Variants in SLC9C2 observed in about 807,000 individuals in gnomAD.
The protein encoded by SLC9C2 is sodium/hydrogen exchanger 11.
A neutral mutation model predicts 140.2 loss-of-function variants in SLC9C2; 75 were observed. The observed-to-expected ratio is 0.53, with a 90% CI of 0.44 to 0.65. SLC9C2 has a LOEUF of 0.65. Among genes scored for constraint, SLC9C2 ranks in the 30% least tolerant of loss-of-function variants. The pLI, the probability that SLC9C2 is intolerant of heterozygous loss-of-function variation, is 0.00. For missense variants in SLC9C2, 1,074 were observed against 1,331.8 expected, an observed-to-expected ratio of 0.81 and a Z score of 3.01; for synonymous variants, 375 against 420.9, an observed-to-expected ratio of 0.89 and a Z score of 1.34.
intron 8 of SLC9C2, 118 bp from the exon 9 acceptor site, chr1:173,573,443 T>A: frequency 1.4e-6 from 1 of 697,328 alleles, no homozygotes; most frequent in Non-Finnish European, 2.2e-6. Flanking sequence ...GGCCCTTGCC[T>A]TCATCTCTGT....
Position 173,521,419 on chromosome 1 carries a change from ACG to A in SLC9C2, c.2641-22_2641-21del. ...TCTTTCCTGAGTGGGAAAAAAAAAA[ACG>A]AAAAGAAAAAGAGAGTCAACACAAA... On this transcript the variant is annotated intron_variant, in intron 21 of 27. Coordinates refer to ENST00000367714, the MANE Select transcript of SLC9C2 (RefSeq NM_178527.4). 5 of 1,349,832 alleles carry A rather than the reference ACG, an allele frequency of 3.7e-6. No homozygotes were observed. The highest frequency in any genetic ancestry group is 4.9e-6 in the Non-Finnish European group (5 of 1,016,356). The allele number at this position is 1,349,832 out of a possible 1,614,324, so 83.6% of individuals were successfully genotyped here. A position where few individuals can be genotyped will look rare whatever the true frequency, so the allele number is the denominator to read the frequency against.
chr1:173,504,862 C>T (rs1659519917), intron 26 of SLC9C2, among the ~76,000 whole-genome samples: 1 of 152,204 alleles, frequency 6.6e-6, no homozygotes, highest in South Asian at 2.1e-4. Flanking sequence ...TTTCCTATTC[C>T]CTTCAGTTGC....
At chr1:173,583,003 C>G (rs1157311558) in intron 6 of SLC9C2, among the ~76,000 whole-genome samples, 1 of 152,202 alleles carries the variant, frequency 6.6e-6, no homozygotes, top group Non-Finnish European at 1.5e-5. Context: ...AAAACTAAAG[C>G]ACTTTTTAAA....
At chr1:173,590,703 T>G (rs1282171871) in intron 4 of SLC9C2, among the ~76,000 whole-genome samples, 1 of 152,170 alleles carries the variant, frequency 6.6e-6, no homozygotes, top group Non-Finnish European at 1.5e-5. Context: ...ATGTTCTATC[T>G]GATAACAGAG....
intron 4 of SLC9C2, among the ~76,000 whole-genome samples, chr1:173,590,569 TAAC>T (rs1388080855): frequency 2.0e-5 from 3 of 152,168 alleles, no homozygotes; most frequent in African/African-American, 7.2e-5. Flanking sequence ...AGTAAAAGAT[TAAC>T]AACAATAACT....
chr1:173,510,228 A>G (rs1055834191), intron 23 of SLC9C2, among the ~76,000 whole-genome samples: 3 of 151,928 alleles, frequency 2.0e-5, no homozygotes, highest in South Asian at 2.1e-4. Context: ...ATTTCCTTCC[A>G]CTCCACACAC....
chr1:173,599,661 C>T (rs1434857460), intron 3 of SLC9C2, among the ~76,000 whole-genome samples: 5 of 150,362 alleles, frequency 3.3e-5, no homozygotes, highest in Admixed American at 2.6e-4. Flanking sequence ...TGGAGTGTGG[C>T]GGTGTGATGT....
rs301697 is a variant in SLC9C2 at position 173,539,243 on chromosome 1, T to C, written c.1558-2204A>G. On this transcript the variant is annotated intron_variant, in intron 13 of 27. Coordinates refer to ENST00000367714, the MANE Select transcript of SLC9C2 (RefSeq NM_178527.4). ...TAGGGTTTTAAGCAGGAAGGAGGTA[T>C]AGTCACATGTCTTTTAGTAAGTCAC... Among the ~76,000 whole-genome samples the C allele has an allele frequency of 7.5e-3, 1,148 of 152,306 alleles. 10 individuals carry two copies. Among genetic ancestry groups the C allele is most frequent in the Non-Finnish European group, 0.012 (814 of 68,024 alleles).
chr1:173,510,464 T>C (rs1232175116), intron 23 of SLC9C2, among the ~76,000 whole-genome samples: 1 of 152,122 alleles, frequency 6.6e-6, no homozygotes, highest in Non-Finnish European at 1.5e-5. Context: ...AGCTATTTAT[T>C]CTAATGCTCT....
At chr1:173,522,468 G>A (rs1660898648) in intron 21 of SLC9C2, among the ~76,000 whole-genome samples, 1 of 152,178 alleles carries the variant, frequency 6.6e-6, no homozygotes, top group African/African-American at 2.4e-5. Context: ...AGACCAGGGT[G>A]GAGCCATCCA....
intron 5 of SLC9C2, among the ~76,000 whole-genome samples, chr1:173,587,204 T>C (rs1571621472): frequency 6.6e-6 from 1 of 152,118 alleles, no homozygotes; most frequent in East Asian, 1.9e-4. Context: ...AGATAAACTA[T>C]AAACCCCTCC....
chr1:173,545,122 G>A (rs373551254), intron 13 of SLC9C2, among the ~76,000 whole-genome samples: 1 of 152,152 alleles, frequency 6.6e-6, no homozygotes, highest in Non-Finnish European at 1.5e-5. Flanking sequence ...ATTCAAGGTC[G>A]TATTTCATCT....
chr1:173,590,043 G>C (rs1666067281), intron 4 of SLC9C2, among the ~76,000 whole-genome samples: 1 of 152,154 alleles, frequency 6.6e-6, no homozygotes, highest in Non-Finnish European at 1.5e-5. Context: ...AGGAGTTCCA[G>C]ACCAGCCTGG....
intron 9 of SLC9C2, among the ~76,000 whole-genome samples, chr1:173,561,555 T>C (rs1195306331): frequency 6.6e-6 from 1 of 152,084 alleles, no homozygotes; most frequent in Non-Finnish European, 1.5e-5. Flanking sequence ...GGGGGAAGCT[T>C]GTCAGAGAAA....
intron 12 of SLC9C2, 72 bp downstream of exon 12, chr1:173,548,317 C>T (rs924837652): frequency 4.2e-6 from 6 of 1,439,874 alleles, no homozygotes; most frequent in Non-Finnish European, 5.7e-6. Flanking sequence ...AGGTCTTTAA[C>T]AATAGGCTAA....
intron 9 of SLC9C2, among the ~76,000 whole-genome samples, chr1:173,569,250 C>T (rs1177151245): frequency 6.6e-6 from 1 of 151,842 alleles, no homozygotes. Context: ...CTTTCTTCTG[C>T]TTGATCAATT....
chr1:173,597,842 A>G, intron 4 of SLC9C2, 62 bp downstream of exon 4: 1 of 1,463,528 alleles, frequency 6.8e-7, no homozygotes, highest in Non-Finnish European at 9.2e-7. Flanking sequence ...ATAGGCAGCC[A>G]TATTCTCTAT....
intron 4 of SLC9C2, among the ~76,000 whole-genome samples, chr1:173,595,335 C>T (rs886373598): frequency 1.3e-5 from 2 of 152,072 alleles, no homozygotes; most frequent in Admixed American, 1.3e-4. Flanking sequence ...CATTCTAGCC[C>T]ACTGGAGGGC....
At chr1:173,540,824 TG>T (rs1662340069) in intron 13 of SLC9C2, among the ~76,000 whole-genome samples, 2 of 152,300 alleles carry the variant, frequency 1.3e-5, no homozygotes, top group South Asian at 4.1e-4. Flanking sequence ...AGCCATGGTT[TG>T]CCAGGTTGGA....
Sources: gnomAD v4.1 joint callset for allele counts (sites outside exome capture counted in the v4.1 genomes callset) on GRCh38, gnomAD v4.1.1 for gene constraint, MANE v1.5 for transcripts, NCBI Gene and HGNC (gene_info 2026-07-23, HGNC 2026-07-21) for gene names.